Variants in CSMD1 observed in about 807,000 individuals in gnomAD.
The protein encoded by CSMD1 is CUB and Sushi multiple domains 1.
Under a neutral mutation model 417.5 loss-of-function variants are expected in CSMD1, and 213 were observed. The ratio of observed to expected loss-of-function variants is 0.51; its 90% CI spans 0.46 to 0.57. The LOEUF is 0.57. Among genes scored for constraint, CSMD1 ranks in the 20% least tolerant of loss-of-function variants. The pLI is 0.00. For synonymous variants in CSMD1, 2,862 were observed against 1,736.8 expected (o/e 1.65, Z -16.11); for missense variants, 6,923 against 4,529.7 (o/e 1.53, Z -15.17).
intron 3 of CSMD1, among the ~76,000 whole-genome samples, chr8:4,407,234 A>G (rs1468803493): frequency 1.3e-5 from 2 of 152,218 alleles, no homozygotes; most frequent in African/African-American, 4.8e-5. Context: ...TCTATGCCAC[A>G]GGATGTCAAT....
At chr8:3,029,204 G>C (rs1385546173) in intron 51 of CSMD1, 115 bp downstream of exon 51, 2 of 721,434 alleles carry the variant, frequency 2.8e-6, no homozygotes, top group Non-Finnish European at 4.2e-6. Context: ...TTGTTCTTTT[G>C]ATCTATAGGA....
At chr8:3,256,084 T>G (rs570989555) in intron 26 of CSMD1, among the ~76,000 whole-genome samples, 7 of 152,018 alleles carry the variant, frequency 4.6e-5, no homozygotes, top group Admixed American at 3.9e-4. Flanking sequence ...TCCCAGGACT[T>G]TGGGGGGCTG....
rs376057777 is a variant in CSMD1, at chr8:3,586,139, G to T, written c.1219C>A (p.Arg407=). ...AAWSDHRPIC[R]ARTCGSNLRG... The stretch of plus-strand genomic sequence containing the variant: ...TTACCCACCGCAGGTGCCTTACCTC[G>T]GCAGATGGGCCTGTGGTCACTCCAA... Residue 407 remains arginine (R), a synonymous_variant, in exon 9 of 70, where the codon CGA becomes AGA. Coordinates refer to ENST00000635120, the MANE Select transcript of CSMD1 (RefSeq NM_033225.6). The T allele has an allele frequency of 4.3e-6, 7 of 1,610,882 alleles. No individual in the cohort carries two copies. The African/African-American group carries it at 9.4e-5, about 22-fold the overall frequency.
In CSMD1 at chr8:3,489,209, G is replaced by C. The variant is rs114039304; in HGVS notation, c.1448+4414C>G. 9.8e-3 allele frequency among the ~76,000 whole-genome samples: 1,489 copies of C among 152,232 alleles called. 25 individuals carry two copies. The highest frequency in any genetic ancestry group is 0.034 in the African/African-American group (1,416 of 41,556). ...CTCAGCCATGCCAGGCAGTGTCTGG[G>C]AGCAAGAAGTAGATTCAGCAAAAAT... is the stretch of plus-strand genomic sequence containing the variant. On this transcript the variant is annotated intron_variant, in intron 11 of 69. Coordinates refer to ENST00000635120, the MANE Select transcript of CSMD1 (RefSeq NM_033225.6).
chr8:4,344,613 C>G (rs1239843130), intron 3 of CSMD1, among the ~76,000 whole-genome samples: 1 of 151,616 alleles, frequency 6.6e-6, no homozygotes, highest in East Asian at 1.9e-4. Flanking sequence ...ATGAGTTACA[C>G]TACCGCTATG....
At chr8:3,789,569 C>G (rs558677870) in intron 5 of CSMD1, among the ~76,000 whole-genome samples, 3 of 151,262 alleles carry the variant, frequency 2.0e-5, no homozygotes, top group South Asian at 4.2e-4. Flanking sequence ...TATTCACTCA[C>G]TTGCTAAATA....
At position 2,963,236 on chromosome 8, in the gene CSMD1, A is replaced by G. The variant is rs374046909; in HGVS notation, c.9440T>C (p.Ile3147Thr). The stretch of plus-strand genomic sequence containing the variant: ...GTAGAACTTACGGAGACACTGGGGG[A>G]TCTCTCCTTTCCACACCCCGCGACC... ...CEGRGVWKGE[I>T]PQCLPVFCGD... The change falls in exon 60 of 70, where the codon ATC becomes ACC. Residue 3147 changes from isoleucine (I) to threonine (T), a missense_variant. Physicochemically the swap from Ile to Thr is moderately conservative, Grantham distance 89. Coordinates refer to ENST00000635120, the MANE Select transcript of CSMD1 (RefSeq NM_033225.6). 2.9e-5 allele frequency: 46 copies of G among 1,613,786 alleles called. No individual in the cohort carries two copies. Among genetic ancestry groups the G allele is most frequent in the Non-Finnish European group, 3.5e-5 (41 of 1,179,818 alleles).
At chr8:3,586,672 T>C (rs1443677451) in intron 8 of CSMD1, among the ~76,000 whole-genome samples, 3 of 152,180 alleles carry the variant, frequency 2.0e-5, no homozygotes, top group Non-Finnish European at 4.4e-5. Context: ...AGTAAAAAAG[T>C]CTAGGTTAAG....
chr8:3,572,708 G>C (rs181423700), intron 10 of CSMD1, among the ~76,000 whole-genome samples: 132 of 152,176 alleles, frequency 8.7e-4, no homozygotes, highest in Middle Eastern at 3.4e-3. Context: ...GGATACTTCT[G>C]GTCTCGATCA....
chr8:3,824,906 G>C (rs116566393), intron 5 of CSMD1, among the ~76,000 whole-genome samples: 2 of 152,222 alleles, frequency 1.3e-5, no homozygotes, highest in Admixed American at 6.5e-5. Flanking sequence ...AAAGATTTCA[G>C]CCCTGTTAAT....
At chr8:4,135,998 T>G (rs746734132) in intron 3 of CSMD1, among the ~76,000 whole-genome samples, 1 of 152,144 alleles carries the variant, frequency 6.6e-6, no homozygotes, top group Non-Finnish European at 1.5e-5. Flanking sequence ...TCATCACAAA[T>G]TGAATTCAAT....
chr8:2,995,538 C>T (rs1411273331), intron 54 of CSMD1, among the ~76,000 whole-genome samples: 4 of 152,156 alleles, frequency 2.6e-5, no homozygotes, highest in Non-Finnish European at 5.9e-5. Flanking sequence ...GTACCATTTA[C>T]ACTCTTGGGC....
At position 3,963,871 on chromosome 8, in the gene CSMD1, A is replaced by G. The variant is rs144146253; in HGVS notation, c.818+34032T>C. Among the ~76,000 whole-genome samples, 833 of 152,362 alleles carry G rather than the reference A, an allele frequency of 5.5e-3. 10 individuals carry two copies. The highest frequency in any genetic ancestry group is 0.018 in the African/African-American group (760 of 41,584). ...ACCGCAGTTTAAGAAATGAAGGTAT[A>G]GATGTTAACTGACACTCGGAAGAAT... On this transcript the variant is annotated intron_variant, in intron 5 of 69. Coordinates refer to ENST00000635120, the MANE Select transcript of CSMD1 (RefSeq NM_033225.6).
chr8:3,524,795 C>A (rs1036601909), intron 10 of CSMD1, among the ~76,000 whole-genome samples: 1 of 151,202 alleles, frequency 6.6e-6, no homozygotes, highest in Non-Finnish European at 1.5e-5. Flanking sequence ...GACATGCACA[C>A]AGAAGTACAC....
chr8:4,174,420 C>A (rs564081350), intron 3 of CSMD1, among the ~76,000 whole-genome samples: 19 of 151,948 alleles, frequency 1.3e-4, no homozygotes, highest in African/African-American at 4.1e-4. Context: ...TGCACTTCAC[C>A]GTGTATGTAA....
intron 2 of CSMD1, among the ~76,000 whole-genome samples, chr8:4,577,303 A>T (rs1158644967): frequency 6.6e-6 from 1 of 152,168 alleles, no homozygotes; most frequent in East Asian, 1.9e-4. Context: ...CTCTTGGGAG[A>T]CTAAAATTAT....
intron 5 of CSMD1, among the ~76,000 whole-genome samples, chr8:3,920,179 G>A (rs1440094480): frequency 6.6e-6 from 1 of 152,074 alleles, no homozygotes; most frequent in Non-Finnish European, 1.5e-5. Flanking sequence ...GACTACAGGT[G>A]TGTGCCAGCA....
At chr8:4,714,830 A>G (rs992699823) in intron 1 of CSMD1, among the ~76,000 whole-genome samples, 2 of 152,144 alleles carry the variant, frequency 1.3e-5, no homozygotes, top group Non-Finnish European at 2.9e-5. Context: ...GTAACATTAG[A>G]TTTTTCTTTT....
intron 23 of CSMD1, among the ~76,000 whole-genome samples, chr8:3,308,895 T>C (rs1805105670): frequency 6.6e-6 from 1 of 152,066 alleles, no homozygotes. Flanking sequence ...AGCTAATTTT[T>C]TGTATTTTTA....
Sources: gnomAD v4.1 joint callset for allele counts (sites outside exome capture counted in the v4.1 genomes callset) on GRCh38, gnomAD v4.1.1 for gene constraint, MANE v1.5 for transcripts, NCBI Gene and HGNC (gene_info 2026-07-23, HGNC 2026-07-21) for gene names.